The following BABAM2 variants were observed in gnomAD, a reference collection of about 807,000 sequenced individuals.
BABAM2 encodes BRISC and BRCA1-A complex member 2.
A neutral mutation model predicts 54.7 loss-of-function variants in BABAM2; 31 were observed. The ratio of observed to expected loss-of-function variants is 0.57; its 90% CI spans 0.43 to 0.77. The LOEUF (loss-of-function observed/expected upper bound fraction) is 0.77, where lower values mean the gene tolerates loss of function less well. Ranked by LOEUF, BABAM2 falls within the 30% of genes least tolerant of loss-of-function variation. BABAM2 has a pLI of 0.00. For missense variants in BABAM2, 364 were observed against 455.8 expected (o/e 0.80, Z 1.83); for synonymous variants, 167 against 162.9 (o/e 1.03, Z -0.19).
intron 10 of BABAM2, among the ~76,000 whole-genome samples, chr2:28,260,384 C>G (rs1684396823): frequency 6.7e-6 from 1 of 148,236 alleles, no homozygotes; most frequent in Non-Finnish European, 1.5e-5. Context: ...TCACTGCAAC[C>G]TCTGCCTCCC....
At chr2:27,938,687 G>T (rs753714806) in intron 3 of BABAM2, among the ~76,000 whole-genome samples, 22 of 152,016 alleles carry the variant, frequency 1.4e-4, no homozygotes, top group Non-Finnish European at 2.8e-4. Context: ...ACTGTGCTCG[G>T]CCAGCTCTTT....
chr2:28,031,976 A>G (rs889013730), intron 5 of BABAM2, among the ~76,000 whole-genome samples: 3 of 152,228 alleles, frequency 2.0e-5, no homozygotes, highest in Admixed American at 6.5e-5. Context: ...TATGAAATAA[A>G]TGGATATTTT....
At chr2:27,913,645 G>A (rs987232335) in intron 2 of BABAM2, among the ~76,000 whole-genome samples, 3 of 151,824 alleles carry the variant, frequency 2.0e-5, no homozygotes, top group South Asian at 2.1e-4. Context: ...GAATTTACAC[G>A]TATATTTTAT....
At chr2:28,019,979 A>G (rs1227025531) in intron 4 of BABAM2, among the ~76,000 whole-genome samples, 2 of 152,174 alleles carry the variant, frequency 1.3e-5, no homozygotes, top group Non-Finnish European at 2.9e-5. Context: ...ATTTAGATGA[A>G]TGCAACACAA....
chr2:28,005,541 T>A (rs10204832), intron 4 of BABAM2, among the ~76,000 whole-genome samples: 112,462 of 152,002 alleles, frequency 0.74, 42,620 homozygotes, highest in Middle Eastern at 0.89. Flanking sequence ...GGACTAAGGG[T>A]GTTTTGAAAA....
At chr2:27,893,481 A>T (rs576050807) in intron 1 of BABAM2, among the ~76,000 whole-genome samples, 1 of 152,130 alleles carries the variant, frequency 6.6e-6, no homozygotes, top group South Asian at 2.1e-4. Flanking sequence ...TCCCCTACCA[A>T]ATTCTGGGGA....
chr2:27,973,630 A>T lies in BABAM2; in HGVS notation c.206-14363A>T, dbSNP rs528087250. 6.6e-5 allele frequency among the ~76,000 whole-genome samples: 10 copies of T among 152,276 alleles called. No homozygotes were observed. In the South Asian group the frequency reaches 2.1e-3, roughly 32 times the overall value. Reference sequence around the variant, plus strand: ...AGCCAGAGTACCAAGAAAAGGTGCCACTGGGAGGCAGAGTACGGGGGAAAT... The same window carrying T: ...AGCCAGAGTACCAAGAAAAGGTGCCTCTGGGAGGCAGAGTACGGGGGAAAT... On this transcript the variant is annotated intron_variant, in intron 3 of 11. Coordinates refer to ENST00000379624, the MANE Select transcript of BABAM2 (RefSeq NM_199191.3).
At chr2:28,298,221 A>G in intron 10 of BABAM2, 117 bp from the exon 11 acceptor site, 1 of 1,063,350 alleles carries the variant, frequency 9.4e-7, no homozygotes, top group Non-Finnish European at 1.4e-6. Context: ...TCCAAACTGC[A>G]AGCAGTATTT....
intron 10 of BABAM2, among the ~76,000 whole-genome samples, chr2:28,246,013 T>C (rs1377605567): frequency 6.6e-6 from 1 of 152,190 alleles, no homozygotes; most frequent in African/African-American, 2.4e-5. Flanking sequence ...TAAAACCTTA[T>C]CATGGTAAAA....
chr2:28,145,021 G>T (rs1280211457), intron 7 of BABAM2, among the ~76,000 whole-genome samples: 2 of 152,232 alleles, frequency 1.3e-5, no homozygotes, highest in African/African-American at 4.8e-5. Flanking sequence ...TTGATTAAAA[G>T]TGGATTTCTG....
intron 2 of BABAM2, among the ~76,000 whole-genome samples, chr2:27,901,364 G>A (rs1201518786): frequency 1.3e-5 from 2 of 152,194 alleles, no homozygotes; most frequent in Non-Finnish European, 2.9e-5. Context: ...GCAACCTGTG[G>A]CAGCTGAGCC....
chr2:28,251,550 C>T (rs1450870820), intron 10 of BABAM2, among the ~76,000 whole-genome samples: 1 of 152,170 alleles, frequency 6.6e-6, no homozygotes, highest in African/African-American at 2.4e-5. Flanking sequence ...AGTTCCTGAG[C>T]TAAGCGAGGT....
chr2:28,228,494 G>A (rs1176923237), intron 7 of BABAM2, among the ~76,000 whole-genome samples: 1 of 152,046 alleles, frequency 6.6e-6, no homozygotes, highest in Non-Finnish European at 1.5e-5. Flanking sequence ...AAAGTGATCT[G>A]TACCTATTTA....
intron 6 of BABAM2, among the ~76,000 whole-genome samples, chr2:28,064,267 G>T (rs2148646839): frequency 6.6e-6 from 1 of 152,308 alleles, no homozygotes; most frequent in Admixed American, 6.5e-5. Flanking sequence ...TACGTATCTT[G>T]TGGGCATCTG....
chr2:28,216,933 A>G (rs1679975284), intron 7 of BABAM2, among the ~76,000 whole-genome samples: 1 of 151,958 alleles, frequency 6.6e-6, no homozygotes, highest in Non-Finnish European at 1.5e-5. Flanking sequence ...GGGCTTTTGT[A>G]CTTCACATTC....
At chr2:28,018,571 G>T (rs1343512622) in intron 4 of BABAM2, among the ~76,000 whole-genome samples, 1 of 152,106 alleles carries the variant, frequency 6.6e-6, no homozygotes, top group African/African-American at 2.4e-5. Context: ...GTTCTTTAAG[G>T]AATCTCCACA....
At chr2:27,911,953 A>G (rs985283733) in intron 2 of BABAM2, among the ~76,000 whole-genome samples, 1 of 152,182 alleles carries the variant, frequency 6.6e-6, no homozygotes, top group African/African-American at 2.4e-5. Flanking sequence ...CTTTGCCTAC[A>G]CTATACCCAC....
chr2:28,227,224 G>A (rs965294166), intron 7 of BABAM2, among the ~76,000 whole-genome samples: 9 of 151,414 alleles, frequency 5.9e-5, no homozygotes, highest in African/African-American at 1.9e-4. Flanking sequence ...TCTTTCCTTT[G>A]CAGTTCACCA....
Position 28,118,570 on chromosome 2 carries a change from TG to T in BABAM2, c.571-10700del, listed in dbSNP as rs559065175. On this transcript the variant is annotated intron_variant, in intron 6 of 11. Transcript: ENST00000379624. Reference sequence around the variant, plus strand: ...TTGCCCACTTTTTGATAGGGTTGTTTGTTTTTTTTCTTGTAAATATGTTTAA... The same window carrying T: ...TTGCCCACTTTTTGATAGGGTTGTTTTTTTTTTTCTTGTAAATATGTTTAA... Among the ~76,000 whole-genome samples the T allele has an allele frequency of 8.7e-4, 132 of 152,302 alleles. 1 individual carries two copies. Among genetic ancestry groups the T allele is most frequent in the Admixed American group, 3.4e-3 (52 of 15,296 alleles).
Sources: allele counts gnomAD v4.1 joint callset (sites outside exome capture counted in the v4.1 genomes callset), GRCh38; gene constraint gnomAD v4.1.1; transcripts MANE v1.5; gene names NCBI Gene and HGNC (gene_info 2026-07-23, HGNC 2026-07-21).